RPS6KC1: variants seen among roughly 807,000 people sequenced by gnomAD.
The protein encoded by RPS6KC1 is inactive ribosomal protein S6 kinase delta-1.
In RPS6KC1, 54 loss-of-function variants were observed where a neutral mutation model predicts 103.8. That is an observed-to-expected ratio of 0.52 (90% CI 0.42 to 0.65). RPS6KC1 has a LOEUF of 0.65. Among genes scored for constraint, RPS6KC1 ranks in the 30% least tolerant of loss-of-function variants. The pLI, the probability that RPS6KC1 is intolerant of heterozygous loss-of-function variation, is 0.00. For synonymous variants in RPS6KC1, 439 were observed against 438.7 expected (o/e 1.00, Z -0.01); for missense variants, 1,151 against 1,253.8 (o/e 0.92, Z 1.24).
At chr1:213,836,562 A>G in the RPS6KC1 span, among the ~76,000 whole-genome samples, 88 of 150,264 alleles carry the variant, frequency 5.9e-4, 2 homozygotes, top group South Asian at 0.017. Context: ...TTTCTAATTG[A>G]TGTGAGTTAA....
the RPS6KC1 span, among the ~76,000 whole-genome samples, chr1:213,486,189 A>G: frequency 6.6e-6 from 1 of 152,236 alleles, no homozygotes; most frequent in Non-Finnish European, 1.5e-5. Context: ...ATATACACAT[A>G]TAACAAATAT....
At chr1:213,321,918 G>T in the RPS6KC1 span, among the ~76,000 whole-genome samples, 1 of 152,216 alleles carries the variant, frequency 6.6e-6, no homozygotes, top group East Asian at 1.9e-4. Flanking sequence ...AAGTGTAAAG[G>T]CCCTGAGACA....
chr1:213,474,200 C>T, the RPS6KC1 span, among the ~76,000 whole-genome samples: 6 of 152,246 alleles, frequency 3.9e-5, no homozygotes, highest in East Asian at 7.7e-4. Context: ...CTGCTCCTAT[C>T]GGTCTGCCTG....
the RPS6KC1 span, among the ~76,000 whole-genome samples, chr1:213,828,621 C>T: frequency 6.6e-6 from 1 of 152,108 alleles, no homozygotes; most frequent in African/African-American, 2.4e-5. Context: ...GGCTACGTGG[C>T]ATTGGAATTC....
At chr1:213,470,675 A>G in the RPS6KC1 span, among the ~76,000 whole-genome samples, 1 of 135,276 alleles carries the variant, frequency 7.4e-6, no homozygotes, top group Admixed American at 8.3e-5. Flanking sequence ...GCTGGAGTGC[A>G]GTGACACAAT....
In RPS6KC1 at chr1:213,051,304, C is replaced by A. The variant is rs923540616; in HGVS notation, c.-101C>A. ...GGAGCCGCCTTGGAGCCACCGCCCC[C>A]TCGCCGCTTCGCCGCTGCGTTGGGG... On this transcript the variant is annotated 5_prime_UTR_variant, in exon 1 of 15. Coordinates refer to ENST00000366960, the MANE Select transcript of RPS6KC1 (RefSeq NM_012424.6). 2.4e-6 allele frequency: 2 copies of A among 840,378 alleles called. No individual in the cohort carries two copies. Among genetic ancestry groups the A allele is most frequent in the Non-Finnish European group, 3.8e-6 (2 of 520,226 alleles). 52.1% of individuals were successfully genotyped at this position (840,378 alleles called of 1,614,324 possible).
chr1:213,712,924 G>T, the RPS6KC1 span, among the ~76,000 whole-genome samples: 11 of 152,160 alleles, frequency 7.2e-5, no homozygotes, highest in Admixed American at 7.2e-4. Context: ...CATTGGTCTC[G>T]CTGGGAGCTG....
At chr1:213,128,180 A>G (rs1008603309) in intron 5 of RPS6KC1, among the ~76,000 whole-genome samples, 1 of 152,240 alleles carries the variant, frequency 6.6e-6, no homozygotes, top group African/African-American at 2.4e-5. Flanking sequence ...TGTGAGCAGA[A>G]TCAGATATGA....
the RPS6KC1 span, among the ~76,000 whole-genome samples, chr1:213,861,049 TC>T: frequency 6.6e-6 from 1 of 152,118 alleles, no homozygotes; most frequent in East Asian, 1.9e-4. Context: ...CCTCAAGTGA[TC>T]CTTCCACCTC....
chr1:213,680,124 A>G, the RPS6KC1 span, among the ~76,000 whole-genome samples: 1 of 152,202 alleles, frequency 6.6e-6, no homozygotes, highest in East Asian at 1.9e-4. Flanking sequence ...ATGTCTCTAA[A>G]TGATAATGAG....
At chr1:213,545,908 C>A in the RPS6KC1 span, among the ~76,000 whole-genome samples, 35 of 152,290 alleles carry the variant, frequency 2.3e-4, no homozygotes, top group African/African-American at 7.7e-4. Context: ...TCCATGGGAT[C>A]CCTGTAGCCA....
chr1:213,519,576 T>C, the RPS6KC1 span, among the ~76,000 whole-genome samples: 2 of 152,166 alleles, frequency 1.3e-5, no homozygotes, highest in Non-Finnish European at 2.9e-5. Context: ...GTAAAATGAA[T>C]GTTTAGGCTG....
At chr1:213,235,337 C>CTTACA (rs943330713) in intron 10 of RPS6KC1, among the ~76,000 whole-genome samples, 3 of 152,016 alleles carry the variant, frequency 2.0e-5, no homozygotes, top group African/African-American at 4.8e-5. Flanking sequence ...CTGCATGGAG[C>CTTACA]TTACATTACA....
the RPS6KC1 span, among the ~76,000 whole-genome samples, chr1:213,288,526 A>G: frequency 4.6e-5 from 7 of 152,258 alleles, no homozygotes; most frequent in Admixed American, 6.5e-5. Context: ...TAGTAGGGCC[A>G]GATTTAAACA....
At chr1:213,317,729 A>C in the RPS6KC1 span, among the ~76,000 whole-genome samples, 2,134 of 152,338 alleles carry the variant, frequency 0.014, 81 homozygotes, top group East Asian at 0.1. Context: ...CCTTTCTCTT[A>C]GGAGAAACCC....
At chr1:213,693,835 A>T in the RPS6KC1 span, among the ~76,000 whole-genome samples, 1 of 152,212 alleles carries the variant, frequency 6.6e-6, no homozygotes, top group Non-Finnish European at 1.5e-5. Context: ...TATCTTAAAA[A>T]CTAGGTTAGC....
At chr1:213,412,393 G>A in the RPS6KC1 span, among the ~76,000 whole-genome samples, 8 of 152,200 alleles carry the variant, frequency 5.3e-5, no homozygotes, top group East Asian at 7.7e-4. Flanking sequence ...CATGCTGGGG[G>A]CCCAGCCTGA....
At chr1:213,597,004 C>T in the RPS6KC1 span, among the ~76,000 whole-genome samples, 1 of 152,206 alleles carries the variant, frequency 6.6e-6, no homozygotes, top group Non-Finnish European at 1.5e-5. Flanking sequence ...CCACTGTCAG[C>T]ATAGACAGTT....
the RPS6KC1 span, among the ~76,000 whole-genome samples, chr1:213,304,205 CAAAAAAAAAAA>C: frequency 4.3e-5 from 3 of 70,534 alleles, no homozygotes; most frequent in African/African-American, 1.5e-4. Flanking sequence ...GACTCCATCT[CAAAAAAAAAAA>C]AAAAAAAAAA....
Sources: gnomAD v4.1 joint callset for allele counts (sites outside exome capture counted in the v4.1 genomes callset) on GRCh38, gnomAD v4.1.1 for gene constraint, MANE v1.5 for transcripts, NCBI Gene and HGNC (gene_info 2026-07-23, HGNC 2026-07-21) for gene names.